MAP4K3: variants seen among roughly 807,000 people sequenced by gnomAD.
The protein encoded by MAP4K3 is MAPK/ERK kinase kinase kinase 3.
Under a neutral mutation model 143.5 loss-of-function variants are expected in MAP4K3, and 94 were observed. That is an observed-to-expected ratio of 0.65 (90% CI 0.55 to 0.78). The LOEUF is 0.78. Ranked by LOEUF, MAP4K3 falls within the 30% of genes least tolerant of loss-of-function variation. MAP4K3 has a pLI of 0.00. For synonymous variants in MAP4K3, 416 were observed against 347.2 expected, an observed-to-expected ratio of 1.20 and a Z score of -2.20; for missense variants, 1,077 against 1,068.1, an observed-to-expected ratio of 1.01 and a Z score of -0.12.
At chr2:39,277,131 C>A (rs887883064) in intron 24 of MAP4K3, among the ~76,000 whole-genome samples, 1 of 152,220 alleles carries the variant, frequency 6.6e-6, no homozygotes, top group Non-Finnish European at 1.5e-5. Context: ...GTACTGCAAA[C>A]AGATATTTCT....
intron 1 of MAP4K3, among the ~76,000 whole-genome samples, chr2:39,429,609 T>C (rs1572518799): frequency 6.6e-6 from 1 of 152,230 alleles, no homozygotes; most frequent in East Asian, 1.9e-4. Context: ...GTTGGGTACA[T>C]GAGACCTCTT....
chr2:39,383,266 CA>C (rs1192304794), intron 1 of MAP4K3, among the ~76,000 whole-genome samples: 1 of 152,066 alleles, frequency 6.6e-6, no homozygotes, highest in Non-Finnish European at 1.5e-5. Context: ...ACAAGCAAGG[CA>C]AAAGGGGAAG....
At chr2:39,426,831 G>T (rs1665103225) in intron 1 of MAP4K3, among the ~76,000 whole-genome samples, 1 of 151,978 alleles carries the variant, frequency 6.6e-6, no homozygotes, top group African/African-American at 2.4e-5. Context: ...GAAAAATCAT[G>T]AGAAGTCATG....
chr2:39,429,465 T>C (rs1665215095), intron 1 of MAP4K3, among the ~76,000 whole-genome samples: 1 of 152,140 alleles, frequency 6.6e-6, no homozygotes. Context: ...TATACAAAGA[T>C]ATAAAAAATG....
intron 12 of MAP4K3, among the ~76,000 whole-genome samples, chr2:39,318,673 A>G (rs1683199337): frequency 6.6e-6 from 1 of 152,136 alleles, no homozygotes; most frequent in Admixed American, 6.5e-5. Context: ...ATTTTTTTTA[A>G]ACAATGCTTT....
In MAP4K3 at chr2:39,337,437, T is replaced by C. The variant is rs534135708; in HGVS notation, c.366+89A>G. 4 of 871,338 alleles carry C rather than the reference T, an allele frequency of 4.6e-6. No homozygotes were observed. The South Asian group carries it at 5.2e-5, about 11-fold the overall frequency. 54.0% of individuals were successfully genotyped at this position (871,338 alleles called of 1,614,324 possible). A position where few individuals can be genotyped will look rare whatever the true frequency, so the allele number is the denominator to read the frequency against. On this transcript the variant is annotated intron_variant, in intron 5 of 33. Transcript: ENST00000263881. ...TAAGAGTTTACCAAACTAAAATATT[T>C]AGTTCTTACTTTGCTGAACAGGTAA...
At chr2:39,314,820 C>T (rs966878257) in intron 13 of MAP4K3, among the ~76,000 whole-genome samples, 5 of 152,158 alleles carry the variant, frequency 3.3e-5, no homozygotes, top group Non-Finnish European at 2.9e-5. Context: ...CTGAATTGGA[C>T]TCTATGGAAA....
In MAP4K3 at chr2:39,331,961, T is replaced by C. The variant is rs143379560; in HGVS notation, c.486A>G (p.Thr162=). Residue 162 remains threonine, a synonymous_variant, in exon 8 of 34, where the codon ACA becomes ACG. Coordinates refer to ENST00000263881, the MANE Select transcript of MAP4K3 (RefSeq NM_003618.4). ...LADFGVSAQI[T]ATIAKRKSFI... The stretch of plus-strand genomic sequence containing the variant: ...AAGACTTCCGTTTGGCAATTGTAGC[T>C]GTTATCTGTGCAGATACTCCAAAAT... 2.1e-4 allele frequency: 336 copies of C among 1,576,526 alleles called. No homozygotes were observed. The highest frequency in any genetic ancestry group is 1.4e-3 in the Middle Eastern group (8 of 5,880).
At chr2:39,283,039 A>G (rs1281060129) in intron 21 of MAP4K3, among the ~76,000 whole-genome samples, 6 of 152,206 alleles carry the variant, frequency 3.9e-5, no homozygotes, top group Non-Finnish European at 8.8e-5. Flanking sequence ...TTCGGTATTT[A>G]GATTATTGTC....
intron 1 of MAP4K3, among the ~76,000 whole-genome samples, chr2:39,408,639 C>A (rs370320844): frequency 3.0e-3 from 409 of 135,550 alleles, no homozygotes; most frequent in Admixed American, 3.9e-3. Context: ...GCAGATATGG[C>A]AAAAAAAAAA....
At chr2:39,279,734 G>A (rs995502642) in intron 23 of MAP4K3, among the ~76,000 whole-genome samples, 16 of 152,068 alleles carry the variant, frequency 1.1e-4, no homozygotes, top group African/African-American at 3.6e-4. Context: ...AACTGCTTGA[G>A]CCCAGGACTT....
rs1051811107 is a variant in MAP4K3 at position 39,258,292 on chromosome 2, C to A, written c.2470+56G>T. 8 of 1,065,120 alleles carry A rather than the reference C, an allele frequency of 7.5e-6. No homozygotes were observed. The East Asian group carries it at 1.2e-4, about 16-fold the overall frequency. 66.0% of individuals were successfully genotyped at this position (1,065,120 alleles called of 1,614,324 possible). ...TCAATCTTTAATTTTGGATAATTAG[C>A]AGATAAATTATTTTAAGGAGTTCAT... On this transcript the variant is annotated intron_variant, in intron 31 of 33. Coordinates refer to ENST00000263881, the MANE Select transcript of MAP4K3 (RefSeq NM_003618.4).
chr2:39,399,228 T>C (rs1042424617), intron 1 of MAP4K3, among the ~76,000 whole-genome samples: 1 of 152,112 alleles, frequency 6.6e-6, no homozygotes, highest in African/African-American at 2.4e-5. Flanking sequence ...CAAGCTATAG[T>C]TGTAATTTAT....
intron 26 of MAP4K3, among the ~76,000 whole-genome samples, chr2:39,267,763 A>C (rs1330702751): frequency 6.6e-6 from 1 of 152,128 alleles, no homozygotes; most frequent in Non-Finnish European, 1.5e-5. Flanking sequence ...GGGTTTAAAT[A>C]TGAAAACAAA....
chr2:39,333,961 T>TGTGTG lies in MAP4K3; in HGVS notation c.415-388_415-387insCACAC, dbSNP rs1683773450. Reference sequence around the variant, plus strand: ...TAAACTTGATTATTGTTTCCCATTTTTGTGTGTGTGTGTGTGTGTGTGTGT... The same window carrying TGTGTG: ...TAAACTTGATTATTGTTTCCCATTTTGTGTGTGTGTGTGTGTGTGTGTGTGTGTGT... On this transcript the variant is annotated intron_variant, in intron 6 of 33. Transcript: ENST00000263881. Among the ~76,000 whole-genome samples the TGTGTG allele has an allele frequency of 1.7e-3, 245 of 144,140 alleles. 1 individual carries two copies. Among genetic ancestry groups the TGTGTG allele is most frequent in the East Asian group, 0.015 (71 of 4,832 alleles). 94.6% of individuals were successfully genotyped at this position (144,140 alleles called of 152,430 possible).
chr2:39,374,493 C>T (rs1666167086), intron 2 of MAP4K3, among the ~76,000 whole-genome samples: 2 of 151,982 alleles, frequency 1.3e-5, no homozygotes, highest in African/African-American at 2.4e-5. Flanking sequence ...ACCAGCCTGC[C>T]CAACACAGTG....
At position 39,288,153 on chromosome 2, in the gene MAP4K3, G is replaced by T. The variant is rs1377039496; in HGVS notation, c.1442C>A (p.Pro481His). The T allele has an allele frequency of 1.2e-6, 2 of 1,613,938 alleles. No homozygotes were observed. Among genetic ancestry groups the T allele is most frequent in the Non-Finnish European group, 1.7e-6 (2 of 1,180,006 alleles). Residue 481 changes from proline (P) to histidine (H), a missense_variant, in exon 20 of 34, where the codon CCC (proline) becomes CAC (histidine). This residue lies in a region of MAP4K3 where 864 missense variants were observed against 801.2 expected (regional missense o/e 1.08). Coordinates refer to ENST00000263881, the MANE Select transcript of MAP4K3 (RefSeq NM_003618.4). ...AACAGGTTTGTGTGGGGGTAATCTGGGAGGTGGTGGTCTAGGTGGAACTTG... is the reference window on the plus strand; with the variant it reads ...AACAGGTTTGTGTGGGGGTAATCTGTGAGGTGGTGGTCTAGGTGGAACTTG... The part of the protein sequence containing the change: ...PSQVPPRPPP[P>H]RLPPHKPVAL...
intron 15 of MAP4K3, among the ~76,000 whole-genome samples, chr2:39,305,065 T>TG (rs1356677167): frequency 2.6e-5 from 4 of 152,068 alleles, no homozygotes; most frequent in Non-Finnish European, 4.4e-5. Flanking sequence ...GAAAAAGGAA[T>TG]GGGGAGTTAT....
chr2:39,251,752 T>C (rs1339014720), intron 33 of MAP4K3, 78 bp downstream of exon 33: 2 of 1,211,802 alleles, frequency 1.7e-6, no homozygotes, highest in Non-Finnish European at 1.2e-6. Flanking sequence ...TTCAATTCTC[T>C]TGAAAAAGAA....
Sources: gnomAD v4.1 joint callset for allele counts (sites outside exome capture counted in the v4.1 genomes callset) on GRCh38, gnomAD v4.1.1 for gene constraint, gnomAD v4.1.1 regional missense constraint, MANE v1.5 for transcripts, NCBI Gene and HGNC (gene_info 2026-07-23, HGNC 2026-07-21) for gene names.